The following SNX19 variants were observed in gnomAD, a reference collection of about 807,000 sequenced individuals.
SNX19 encodes the protein sorting nexin 19.
A neutral mutation model predicts 85.2 loss-of-function variants in SNX19; 60 were observed. The observed-to-expected ratio is 0.70, with a 90% CI of 0.57 to 0.87. SNX19 has a LOEUF of 0.87. SNX19 is among the 40% of genes least tolerant of loss of function. SNX19 has a pLI of 0.00. For synonymous variants in SNX19, 520 were observed against 470.0 expected, an observed-to-expected ratio of 1.11 and a Z score of -1.38; for missense variants, 1,201 against 1,217.8, an observed-to-expected ratio of 0.99 and a Z score of 0.21.
chr11:130,881,237 T>A (rs540582611), intron 8 of SNX19: 5 of 153,532 alleles, frequency 3.3e-5, no homozygotes, highest in African/African-American at 7.2e-5. Context: ...ACATGAGCAA[T>A]CAGAACAGGA....
chr11:130,913,769 G>A (rs1270895146), intron 1 of SNX19, among the ~76,000 whole-genome samples: 1 of 152,224 alleles, frequency 6.6e-6, no homozygotes, highest in African/African-American at 2.4e-5. Context: ...TCTTGGAGGT[G>A]TGTAAGCAGA....
At chr11:130,903,716 T>TACACACACACACACACAC (rs35654790) in intron 7 of SNX19, among the ~76,000 whole-genome samples, 2 of 143,332 alleles carry the variant, frequency 1.4e-5, no homozygotes, top group African/African-American at 5.2e-5. Context: ...TATATACACA[T>TACACACACACACACACAC]ACACACACAC....
chr11:130,896,429 C>T (rs1353771041), intron 8 of SNX19, among the ~76,000 whole-genome samples: 1 of 152,184 alleles, frequency 6.6e-6, no homozygotes, highest in Non-Finnish European at 1.5e-5. Context: ...AATTTATATG[C>T]TACCATCAGA....
In SNX19 at chr11:130,870,284, C is replaced by T. The variant is rs1028537037; in HGVS notation, c.*8138G>A. On this transcript the variant is annotated 3_prime_UTR_variant, in exon 11 of 11. Coordinates refer to ENST00000265909, the MANE Select transcript of SNX19 (RefSeq NM_014758.3). The stretch of plus-strand genomic sequence containing the variant: ...TAACCCTGCTCTTCAGCAGAAAGAC[C>T]GCAGGTATTCCCGCCGCATCCACAT... The T allele has an allele frequency of 2.0e-5, 3 of 152,194 alleles. No individual in the cohort carries two copies. The highest frequency in any genetic ancestry group is 2.9e-5 in the Non-Finnish European group (2 of 68,056). 9.4% of individuals were successfully genotyped at this position (152,194 alleles called of 1,614,324 possible).
intron 8 of SNX19, among the ~76,000 whole-genome samples, chr11:130,885,534 A>G (rs1292160535): frequency 6.6e-6 from 1 of 152,240 alleles, no homozygotes; most frequent in Non-Finnish European, 1.5e-5. Flanking sequence ...TTTCTAAGAC[A>G]GCAGCTATGG....
rs1181597883 is a variant in SNX19 at position 130,867,608 on chromosome 11, C to T, written c.*10814G>A. 2.0e-5 allele frequency: 3 copies of T among 152,100 alleles called. No individual in the cohort carries two copies. The highest frequency in any genetic ancestry group is 7.2e-5 in the African/African-American group (3 of 41,420). The allele number at this position is 152,100 out of a possible 1,614,324, so 9.4% of individuals were successfully genotyped here. A position where few individuals can be genotyped will look rare whatever the true frequency, so the allele number is the denominator to read the frequency against. ...AGTATATTCCTTTCAAGAAGAGAAT[C>T]CCCGGGTTTCTTTCCTTTCTTCCTT... On this transcript the variant is annotated 3_prime_UTR_variant, in exon 11 of 11. Transcript: ENST00000265909.
chr11:130,891,764 GACTGAT>G, intron 8 of SNX19, among the ~76,000 whole-genome samples: 1 of 152,014 alleles, frequency 6.6e-6, no homozygotes, highest in East Asian at 1.9e-4. Flanking sequence ...GGATAAATAA[GACTGAT>G]TGTAAAGGGA....
At chr11:130,911,860 A>G (rs1946157974) in intron 1 of SNX19, 89 bp from the exon 2 acceptor site, 9 of 1,305,944 alleles carry the variant, frequency 6.9e-6, no homozygotes, top group Admixed American at 1.8e-5. Flanking sequence ...CAATGGCCAC[A>G]TAGCAAGAGT....
chr11:130,905,817 C>T, intron 7 of SNX19, 136 bp downstream of exon 7: 2 of 1,549,474 alleles, frequency 1.3e-6, no homozygotes, highest in Non-Finnish European at 1.7e-6. Context: ...ACAGCACCTC[C>T]AACACTGGAG....
Position 130,877,427 on chromosome 11 carries a change from T to C in SNX19, c.*995A>G, listed in dbSNP as rs1331239751. ...GCTATTCCTTGTAAGTTTGCTAATC[T>C]TATCTGTTCAGAATAATAAAAGTTC... On this transcript the variant is annotated 3_prime_UTR_variant, in exon 11 of 11. Coordinates refer to ENST00000265909, the MANE Select transcript of SNX19 (RefSeq NM_014758.3). 1 of 152,232 alleles carries C rather than the reference T, an allele frequency of 6.6e-6. No homozygotes were observed. The highest frequency in any genetic ancestry group is 1.5e-5 in the Non-Finnish European group (1 of 68,038). 9.4% of individuals were successfully genotyped at this position (152,232 alleles called of 1,614,324 possible). A position where few individuals can be genotyped will look rare whatever the true frequency, so the allele number is the denominator to read the frequency against.
At position 130,914,829 on chromosome 11, in the gene SNX19, A is replaced by G. The variant is rs372009700; in HGVS notation, c.1111T>C (p.Ser371Pro). ...VRGPLFLCED[S>P]ELESPLSELG... ...TCAGACAGCGGAGACTCCAGCTCTG[A>G]GTCTTCACATAAGAACAGGGGACCT... Residue 371 changes from serine to proline, a missense_variant, in exon 1 of 11, where the codon TCA becomes CCA. By Grantham distance (74) the Ser-to-Pro change is moderately conservative. Transcript: ENST00000265909. The G allele has an allele frequency of 1.2e-4, 199 of 1,614,228 alleles. No individual in the cohort carries two copies. Among genetic ancestry groups the G allele is most frequent in the Non-Finnish European group, 1.6e-4 (188 of 1,180,044 alleles).
Position 130,911,714 on chromosome 11 carries a change from T to A in SNX19, c.1732A>T (p.Thr578Ser). ...AACTCCCGATAGCGACGATTCACAGTGTGGTAGGCCAGCTGCTGCAGGCCG... is the reference window on the plus strand; with the variant it reads ...AACTCCCGATAGCGACGATTCACAGAGTGGTAGGCCAGCTGCTGCAGGCCG... ...SSGLQQLAYH[T>S]VNRRYREFLN... The change falls in exon 2 of 11, where the codon ACT (threonine) becomes TCT (serine). Residue 578 changes from threonine (T) to serine (S), a missense_variant. This residue lies in a region of SNX19 where 791 missense variants were observed against 750.9 expected (regional missense o/e 1.05). Transcript: ENST00000265909. 6.2e-7 allele frequency: 1 copy of A among 1,614,206 alleles called. No individual in the cohort carries two copies. Among genetic ancestry groups the A allele is most frequent in the Non-Finnish European group, 8.5e-7 (1 of 1,180,024 alleles).
rs1491396803 is a variant in SNX19 at position 130,910,374 on chromosome 11, CCA to C, written c.1814-6_1814-5del. 8.5e-3 allele frequency: 8,233 copies of C among 962,994 alleles called. 101 individuals carry two copies. The highest frequency in any genetic ancestry group is 0.078 in the African/African-American group (3,863 of 49,442). The allele number at this position is 962,994 out of a possible 1,614,324, so 59.7% of individuals were successfully genotyped here. On this transcript the variant is annotated splice_region_variant and splice_polypyrimidine_tract_variant and intron_variant, in intron 2 of 10. Transcript: ENST00000265909. ...AGCTTTTTAGGACCCTTCACATCTT[CCA>C]AAAAAAAAAAAAATCAAAATATTCA...
At chr11:130,894,455 G>T (rs1405433865) in intron 8 of SNX19, among the ~76,000 whole-genome samples, 2 of 152,210 alleles carry the variant, frequency 1.3e-5, no homozygotes, top group Non-Finnish European at 2.9e-5. Flanking sequence ...CTAAGGAGTA[G>T]GCAGATAAGT....
Position 130,867,773 on chromosome 11 carries a change from T to C in SNX19, c.*10649A>G, listed in dbSNP as rs1942831951. ...GACAGCTTCTGCTCCCTATCTGATA[T>C]TACCAAGCTGGACAGCATCTTTTCT... On this transcript the variant is annotated 3_prime_UTR_variant, in exon 11 of 11. Transcript: ENST00000265909. 6.6e-6 allele frequency: 1 copy of C among 152,162 alleles called. No individual in the cohort carries two copies. The highest frequency in any genetic ancestry group is 1.5e-5 in the Non-Finnish European group (1 of 68,036). The allele number at this position is 152,162 out of a possible 1,614,324, so 9.4% of individuals were successfully genotyped here. A position where few individuals can be genotyped will look rare whatever the true frequency, so the allele number is the denominator to read the frequency against.
chr11:130,880,824 CG>C lies in SNX19; in HGVS notation c.2574-19del. 6.5e-7 allele frequency: 1 copy of C among 1,528,330 alleles called. No homozygotes were observed. The highest frequency in any genetic ancestry group is 8.9e-7 in the Non-Finnish European group (1 of 1,123,988). 94.7% of individuals were successfully genotyped at this position (1,528,330 alleles called of 1,614,324 possible). A position where few individuals can be genotyped will look rare whatever the true frequency, so the allele number is the denominator to read the frequency against. On this transcript the variant is annotated intron_variant, in intron 8 of 10. Transcript: ENST00000265909. ...CTAGCCACCTGTGGTAGAAGAGAGA[CG>C]AAAGCTTAGATAAAGCTGAAGGAAA... is the stretch of plus-strand genomic sequence containing the variant.
Position 130,880,773 on chromosome 11 carries a change from A to T in SNX19, c.2607T>A (p.Ser869Arg), listed in dbSNP as rs1943605387. The T allele has an allele frequency of 1.9e-6, 3 of 1,579,280 alleles. No individual in the cohort carries two copies. In the East Asian group the frequency reaches 6.8e-5, roughly 36 times the overall value. ...WLEVQVANLT[S>R]PQRWVQYLLL... Reference sequence around the variant, plus strand: ...GGAGGTACTGCACCCAGCGCTGTGGACTTGTTAAATTAGCTACCTGCACCT... The same window carrying T: ...GGAGGTACTGCACCCAGCGCTGTGGTCTTGTTAAATTAGCTACCTGCACCT... Residue 869 changes from serine (S) to arginine (R), a missense_variant, in exon 9 of 11, where the codon AGT (serine) becomes AGA (arginine). This residue lies in a region of SNX19 where 285 missense variants were observed against 295.3 expected (regional missense o/e 0.97). Coordinates refer to ENST00000265909, the MANE Select transcript of SNX19 (RefSeq NM_014758.3).
Position 130,915,433 on chromosome 11 carries a change from G to A in SNX19, c.507C>T (p.Tyr169=), listed in dbSNP as rs1946490701. ...LTLCGCHLQS[Y]IQAKEATAGK... is the part of the protein sequence containing the mutation. ...CTGCAGTGGCCTCCTTTGCCTGAAT[G>A]TAGCTCTGCAGGTGACAACCGCAGA... The change falls in exon 1 of 11, where the codon TAC becomes TAT. Residue 169 remains tyrosine (Y), a synonymous_variant. Transcript: ENST00000265909. 4.3e-6 allele frequency: 7 copies of A among 1,613,984 alleles called. No homozygotes were observed. In the Middle Eastern group the frequency reaches 6.8e-4, roughly 157 times the overall value.
intron 8 of SNX19, 34 bp downstream of exon 8, chr11:130,903,221 G>C (rs1945383051): frequency 7.4e-6 from 12 of 1,612,290 alleles, no homozygotes; most frequent in African/African-American, 5.3e-5. Context: ...TGCAACTTGA[G>C]ATTCTGATGT....
Sources: gnomAD v4.1 joint callset for allele counts (sites outside exome capture counted in the v4.1 genomes callset) on GRCh38, gnomAD v4.1.1 for gene constraint, gnomAD v4.1.1 regional missense constraint, MANE v1.5 for transcripts, NCBI Gene and HGNC (gene_info 2026-07-23, HGNC 2026-07-21) for gene names.